The following TRIQK variants were observed in gnomAD, a reference collection of about 807,000 sequenced individuals.
TRIQK encodes the protein triple QxxK/R motif containing.
A neutral mutation model predicts 10.8 loss-of-function variants in TRIQK; 10 were observed. The ratio of observed to expected loss-of-function variants is 0.92; its 90% confidence interval spans 0.57 to 1.57. The LOEUF is 1.57. Ranked by LOEUF, TRIQK falls within the 40% of genes most tolerant of loss-of-function variation. The pLI, the probability that TRIQK is intolerant of heterozygous loss-of-function variation, is 0.00. For missense variants in TRIQK, 107 were observed against 97.7 expected, an observed-to-expected ratio of 1.09 and a Z score of -0.40; for synonymous variants, 33 against 33.7, an observed-to-expected ratio of 0.98 and a Z score of 0.07.
At chr8:92,889,683 C>T (rs573613029) in intron 4 of TRIQK, among the ~76,000 whole-genome samples, 90 of 151,760 alleles carry the variant, frequency 5.9e-4, no homozygotes, top group Admixed American at 1.2e-3. Context: ...TAAGTGACTT[C>T]TACACATTCA....
At chr8:93,009,199 C>T (rs542301660) in intron 1 of TRIQK, among the ~76,000 whole-genome samples, 20 of 152,220 alleles carry the variant, frequency 1.3e-4, no homozygotes, top group African/African-American at 4.3e-4. Flanking sequence ...CCAAAGAAGA[C>T]GTACAAATGG....
chr8:92,918,428 G>A (rs1035270191), intron 2 of TRIQK, among the ~76,000 whole-genome samples: 1 of 151,992 alleles, frequency 6.6e-6, no homozygotes, highest in African/African-American at 2.4e-5. Flanking sequence ...TAACTAGGAT[G>A]AGATGATATC....
At position 92,885,010 on chromosome 8, in the gene TRIQK, T is replaced by C. The variant is rs748480997; in HGVS notation, c.*1612A>G. 7.2e-5 allele frequency: 33 copies of C among 456,116 alleles called. No individual in the cohort carries two copies. The highest frequency in any genetic ancestry group is 5.1e-4 in the South Asian group (33 of 64,548). The allele number at this position is 456,116 out of a possible 1,614,324, so 28.3% of individuals were successfully genotyped here. On this transcript the variant is annotated 3_prime_UTR_variant, in exon 5 of 5. Transcript: ENST00000521988. ...TGCAACCTTTCCTAAAAATGCCACT[T>C]GGATTGGTCCGCTGTGGTGAGTATA...
chr8:92,965,511 A>T (rs1427867099), intron 1 of TRIQK: 1 of 152,386 alleles, frequency 6.6e-6, no homozygotes, highest in Non-Finnish European at 1.5e-5. Context: ...GTACCATGGG[A>T]AAGGGGGCCC....
intron 3 of TRIQK, among the ~76,000 whole-genome samples, chr8:92,903,070 T>A (rs998139470): frequency 6.6e-6 from 1 of 151,940 alleles, no homozygotes; most frequent in Admixed American, 6.6e-5. Context: ...CCAATACATT[T>A]CATATTTTAA....
chr8:92,971,016 C>T (rs61201528), upstream of TRIQK, among the ~76,000 whole-genome samples: 15,382 of 152,036 alleles, frequency 0.1, 1,837 homozygotes, highest in African/African-American at 0.28. Flanking sequence ...CTACATATGG[C>T]TAGTCAGTTT....
chr8:92,947,747 T>C (rs1171648451), intron 2 of TRIQK, among the ~76,000 whole-genome samples: 1 of 152,098 alleles, frequency 6.6e-6, no homozygotes, highest in Non-Finnish European at 1.5e-5. Context: ...CTTAATTCTT[T>C]AAAATATTCA....
chr8:92,973,879 C>T (rs548935673), intron 1 of TRIQK: 1 of 152,578 alleles, frequency 6.6e-6, no homozygotes, highest in Admixed American at 6.5e-5. Flanking sequence ...TTATCTGAAA[C>T]TGCACCACTT....
intron 1 of TRIQK, among the ~76,000 whole-genome samples, chr8:92,991,398 C>T (rs946537078): frequency 2.6e-5 from 4 of 152,210 alleles, no homozygotes; most frequent in African/African-American, 7.2e-5. Context: ...AGTGCTTGAG[C>T]TCTGCTAAGG....
chr8:92,960,384 A>G (rs1406974502), intron 1 of TRIQK: 2 of 152,206 alleles, frequency 1.3e-5, no homozygotes, highest in South Asian at 2.1e-4. Flanking sequence ...AACGACATCA[A>G]TTCTATTTGT....
intron 1 of TRIQK, among the ~76,000 whole-genome samples, chr8:92,999,983 T>G (rs1300100962): frequency 6.6e-6 from 1 of 152,216 alleles, no homozygotes; most frequent in East Asian, 1.9e-4. Context: ...TATCTTATTT[T>G]ATTTTTTCTG....
intron 2 of TRIQK, among the ~76,000 whole-genome samples, chr8:92,948,135 C>T (rs1452500954): frequency 6.6e-6 from 1 of 152,146 alleles, no homozygotes. Flanking sequence ...GTAGTAAAGG[C>T]ACAAAGATTA....
chr8:92,969,026 C>T (rs12674798), upstream of TRIQK, among the ~76,000 whole-genome samples: 2,451 of 152,182 alleles, frequency 0.016, 169 homozygotes, highest in East Asian at 0.2. Context: ...TATAGCTAGC[C>T]AGTTTTCCCA....
At chr8:92,968,541 T>A (rs1283455385), upstream of TRIQK, among the ~76,000 whole-genome samples, 1 of 152,260 alleles carries the variant, frequency 6.6e-6, no homozygotes, top group East Asian at 1.9e-4. Flanking sequence ...TTTGCATTTC[T>A]GTAATGACCA....
chr8:93,015,458 CTT>C (rs5893234), intron 1 of TRIQK, among the ~76,000 whole-genome samples: 71 of 137,146 alleles, frequency 5.2e-4, no homozygotes, highest in African/African-American at 1.1e-3. Flanking sequence ...AAAGCATAAG[CTT>C]TTTTTTTTTT....
chr8:92,919,284 T>C lies in TRIQK; in HGVS notation c.-21-2274A>G, dbSNP rs527672109. ...AATGTCATTGGTATTTTGATAGAGA[T>C]TGCATTAAATCAGTAGATCACTTTG... is the stretch of plus-strand genomic sequence containing the variant. On this transcript the variant is annotated intron_variant, in intron 2 of 4. Transcript: ENST00000521988. Among the ~76,000 whole-genome samples, 42 of 152,022 alleles carry C rather than the reference T, an allele frequency of 2.8e-4. 3 individuals carry two copies. In the South Asian group the frequency reaches 8.7e-3, roughly 32 times the overall value.
chr8:92,886,824 C>G, intron 4 of TRIQK, 89 bp from the exon 5 acceptor site: 1 of 747,958 alleles, frequency 1.3e-6, no homozygotes, highest in Non-Finnish European at 2.3e-6. Flanking sequence ...CCATATTGTT[C>G]CACAGTCTAG....
intron 2 of TRIQK, among the ~76,000 whole-genome samples, chr8:92,933,328 G>A (rs946235620): frequency 1.3e-5 from 2 of 151,920 alleles, no homozygotes. Context: ...TAAAATTTGT[G>A]AGTCACCTAT....
intron 1 of TRIQK, among the ~76,000 whole-genome samples, chr8:92,997,723 T>G (rs1813166896): frequency 6.6e-6 from 1 of 152,050 alleles, no homozygotes; most frequent in Non-Finnish European, 1.5e-5. Flanking sequence ...AATTAATCAG[T>G]GCATGAATAA....
Sources: gnomAD v4.1 joint callset for allele counts (sites outside exome capture counted in the v4.1 genomes callset) on GRCh38, gnomAD v4.1.1 for gene constraint, MANE v1.5 for transcripts, NCBI Gene and HGNC (gene_info 2026-07-23, HGNC 2026-07-21) for gene names.